PLEKHH2: variants seen among roughly 807,000 people sequenced by gnomAD.
PLEKHH2 encodes the protein pleckstrin homology domain-containing family H member 2.
Under a neutral mutation model 187.9 loss-of-function variants are expected in PLEKHH2, and 129 were observed. That is an observed-to-expected ratio of 0.69 (90% CI 0.59 to 0.79). The LOEUF is 0.79. PLEKHH2 is among the 30% of genes least tolerant of loss of function. The probability of loss-of-function intolerance (pLI) is 0.00; values close to 1 mark genes in which losing one functional copy is unlikely to be tolerated. For synonymous variants in PLEKHH2, 686 were observed against 605.6 expected (o/e 1.13, Z -1.95); for missense variants, 2,076 against 1,751.2 (o/e 1.19, Z -3.31).
In PLEKHH2 at chr2:43,699,978, T is replaced by C. The variant is rs1669275399; in HGVS notation, c.1020T>C (p.Thr340=). ...DDSSSIFEEE[T]FGIKRPEHKK... is the part of the protein sequence containing the mutation. The stretch of plus-strand genomic sequence containing the variant: ...GCAGCTCTATATTTGAGGAAGAGAC[T>C]TTTGGCATAAAGAGACCAGAACACA... The change falls in exon 8 of 30, where the codon ACT becomes ACC. Residue 340 remains threonine (T), a synonymous_variant. Coordinates refer to ENST00000282406, the MANE Select transcript of PLEKHH2 (RefSeq NM_172069.4). 1.9e-6 allele frequency: 3 copies of C among 1,614,056 alleles called. No individual in the cohort carries two copies. The highest frequency in any genetic ancestry group is 2.5e-6 in the Non-Finnish European group (3 of 1,180,030).
At chr2:43,760,014 A>T (rs1028448703) in intron 27 of PLEKHH2, among the ~76,000 whole-genome samples, 1 of 152,230 alleles carries the variant, frequency 6.6e-6, no homozygotes, top group Non-Finnish European at 1.5e-5. Context: ...TAAGAAAAAG[A>T]TGATAAAGTT....
intron 2 of PLEKHH2, among the ~76,000 whole-genome samples, chr2:43,647,112 C>T (rs918917468): frequency 1.4e-4 from 21 of 151,954 alleles, no homozygotes; most frequent in African/African-American, 4.1e-4. Context: ...ATAGGATAAG[C>T]TCTGTATAGG....
chr2:43,761,435 A>G lies in PLEKHH2; in HGVS notation c.4072-869A>G, dbSNP rs190338856. Among the ~76,000 whole-genome samples the G allele has an allele frequency of 6.4e-3, 892 of 140,466 alleles. 11 individuals are homozygous for G. Among genetic ancestry groups the G allele is most frequent in the African/African-American group, 0.022 (837 of 37,404 alleles). 92.2% of individuals were successfully genotyped at this position (140,466 alleles called of 152,430 possible). On this transcript the variant is annotated intron_variant, in intron 27 of 29. Coordinates refer to ENST00000282406, the MANE Select transcript of PLEKHH2 (RefSeq NM_172069.4). ...CTTTTTTTTTTTTTTTTTTTAGATG[A>G]AGTCTCACTCTGTCACACAGGCTGG...
chr2:43,764,201 CAT>C (rs1572677733), intron 28 of PLEKHH2, 25 bp from the exon 29 acceptor site: 1 of 1,333,656 alleles, frequency 7.5e-7, no homozygotes, highest in Non-Finnish European at 1.0e-6. Flanking sequence ...GAGCATATAA[CAT>C]ATATACTTTT....
intron 24 of PLEKHH2, among the ~76,000 whole-genome samples, chr2:43,752,076 C>T (rs1172816716): frequency 1.3e-5 from 2 of 152,092 alleles, no homozygotes; most frequent in Non-Finnish European, 2.9e-5. Flanking sequence ...CCAAACCTTC[C>T]AGTGGTAACA....
chr2:43,732,062 ACT>A (rs1233039806), intron 19 of PLEKHH2, among the ~76,000 whole-genome samples: 2 of 151,474 alleles, frequency 1.3e-5, no homozygotes, highest in Non-Finnish European at 2.9e-5. Flanking sequence ...CCTTCCAGTA[ACT>A]CTTCAGATTT....
At chr2:43,748,831 A>G (rs576285127) in intron 24 of PLEKHH2, among the ~76,000 whole-genome samples, 16 of 151,666 alleles carry the variant, frequency 1.1e-4, no homozygotes, top group African/African-American at 3.9e-4. Context: ...ATCTCAGCTT[A>G]CTGCAACCTT....
At chr2:43,760,474 C>T (rs922543541) in intron 27 of PLEKHH2, among the ~76,000 whole-genome samples, 14 of 150,282 alleles carry the variant, frequency 9.3e-5, no homozygotes, top group South Asian at 4.2e-4. Flanking sequence ...GCGATTCTCA[C>T]GCTTCAGCCT....
intron 27 of PLEKHH2, among the ~76,000 whole-genome samples, chr2:43,761,410 CTTTT>C (rs568339874): frequency 2.5e-5 from 3 of 117,680 alleles, no homozygotes; most frequent in Non-Finnish European, 3.6e-5. Context: ...TAGCTTTTAG[CTTTT>C]TTTTTTTTTT....
rs11556845 is a variant in PLEKHH2, at chr2:43,767,456, C to T, written c.*1858C>T. Reference sequence around the variant, plus strand: ...AATAGATTTCAATTGACTGTTTCCCCTACATCTTTTGAGCCACAGTCGCCC... The same window carrying T: ...AATAGATTTCAATTGACTGTTTCCCTTACATCTTTTGAGCCACAGTCGCCC... On this transcript the variant is annotated 3_prime_UTR_variant, in exon 30 of 30. Coordinates refer to ENST00000282406, the MANE Select transcript of PLEKHH2 (RefSeq NM_172069.4). 2.2e-3 allele frequency: 337 copies of T among 152,430 alleles called. 2 individuals are homozygous for T. The highest frequency in any genetic ancestry group is 7.8e-3 in the African/African-American group (326 of 41,564). The allele number at this position is 152,430 out of a possible 1,614,324, so 9.4% of individuals were successfully genotyped here.
chr2:43,677,909 CG>C (rs1667923137), intron 2 of PLEKHH2, among the ~76,000 whole-genome samples: 1 of 43,340 alleles, frequency 2.3e-5, no homozygotes, highest in African/African-American at 9.2e-5. Context: ...CAGGACGGGG[CG>C]GCTGGCCGGG....
At chr2:43,732,252 A>C (rs939812519) in intron 19 of PLEKHH2, among the ~76,000 whole-genome samples, 1 of 152,148 alleles carries the variant, frequency 6.6e-6, no homozygotes, top group Non-Finnish European at 1.5e-5. Context: ...AATCCCAGCT[A>C]CTTGGGAGGC....
In PLEKHH2 at chr2:43,753,748, TC is replaced by T. The variant is rs1334876357; in HGVS notation, c.3784del (p.Leu1262PhefsTer5). 1 of 1,572,914 alleles carries T rather than the reference TC, an allele frequency of 6.4e-7. No homozygotes were observed. Among genetic ancestry groups the T allele is most frequent in the Admixed American group, 1.9e-5 (1 of 51,662 alleles). On this transcript the variant is annotated frameshift_variant, in exon 25 of 30. Coordinates refer to ENST00000282406, the MANE Select transcript of PLEKHH2 (RefSeq NM_172069.4). LOFTEE classifies it high-confidence loss of function. ...NKDLALEMAA[L>X]LSQVEIGDFE... ...AAGATCTGGCATTAGAAATGGCAGC[TC>T]TTTTATCTCAGGTAACTTCCATGTT...
intron 2 of PLEKHH2, among the ~76,000 whole-genome samples, chr2:43,659,571 CTTT>C (rs111878541): frequency 1.4e-5 from 2 of 138,120 alleles, no homozygotes; most frequent in Admixed American, 7.2e-5. Flanking sequence ...TTGCAAGGCA[CTTT>C]TTTTTTTTTT....
At chr2:43,679,030 C>T in intron 3 of PLEKHH2, 105 bp downstream of exon 3, 2 of 677,870 alleles carry the variant, frequency 3.0e-6, no homozygotes, top group South Asian at 4.6e-5. Flanking sequence ...TACATCTTAT[C>T]TTTTTGACTG....
chr2:43,644,186 C>T (rs561216596), intron 1 of PLEKHH2, among the ~76,000 whole-genome samples: 3 of 152,044 alleles, frequency 2.0e-5, no homozygotes, highest in African/African-American at 7.2e-5. Context: ...GCAATTGAAT[C>T]AAACTGTAAT....
intron 2 of PLEKHH2, among the ~76,000 whole-genome samples, chr2:43,659,667 T>C (rs1666969209): frequency 6.6e-6 from 1 of 151,784 alleles, no homozygotes; most frequent in Admixed American, 6.6e-5. Context: ...CAAGTGATTC[T>C]CCTGCTTTAG....
chr2:43,647,192 A>G (rs553992550), intron 2 of PLEKHH2, among the ~76,000 whole-genome samples: 1 of 152,214 alleles, frequency 6.6e-6, no homozygotes, highest in Admixed American at 6.5e-5. Flanking sequence ...CATTTTATAG[A>G]TTAGGAAACT....
At chr2:43,757,733 G>C (rs1672272642) in intron 26 of PLEKHH2, among the ~76,000 whole-genome samples, 1 of 151,000 alleles carries the variant, frequency 6.6e-6, no homozygotes, top group Admixed American at 6.6e-5. Context: ...TTTTATTTAA[G>C]ATAAGCCCAG....
Sources: gnomAD v4.1 joint callset for allele counts (sites outside exome capture counted in the v4.1 genomes callset) on GRCh38, gnomAD v4.1.1 for gene constraint, MANE v1.5 for transcripts, NCBI Gene and HGNC (gene_info 2026-07-23, HGNC 2026-07-21) for gene names.